Variants in TF observed in about 807,000 individuals in gnomAD.
TF encodes serotransferrin.
TF carries 55 observed loss-of-function variants against 82.4 expected under a neutral mutation model. The observed-to-expected ratio is 0.67, with a 90% CI of 0.54 to 0.84. The LOEUF is 0.84. TF is among the 40% of genes least tolerant of loss of function. The pLI is 0.00. For missense variants in TF, 737 were observed against 868.4 expected, an observed-to-expected ratio of 0.85 and a Z score of 1.90; for synonymous variants, 332 against 332.6, an observed-to-expected ratio of 1.00 and a Z score of 0.02.
the TF span, among the ~76,000 whole-genome samples, chr3:133,724,211 G>T: frequency 1.3e-5 from 2 of 152,304 alleles, no homozygotes; most frequent in East Asian, 3.9e-4. Flanking sequence ...TCTAGTTCTA[G>T]ATCCCTGAGG....
chr3:133,763,844 A>G (rs1934058131), intron 9 of TF, among the ~76,000 whole-genome samples: 1 of 152,188 alleles, frequency 6.6e-6, no homozygotes, highest in Non-Finnish European at 1.5e-5. Context: ...CCACTCATCC[A>G]TCTGCACGTG....
chr3:133,707,750 T>C, the TF span: 16 of 152,238 alleles, frequency 1.1e-4, no homozygotes, highest in Admixed American at 1.0e-3. Context: ...AATCTTATGA[T>C]TCTTTTCAGT....
the TF span, among the ~76,000 whole-genome samples, chr3:133,675,984 AT>A: frequency 6.6e-6 from 1 of 151,962 alleles, no homozygotes; most frequent in South Asian, 2.1e-4. Flanking sequence ...GAGAGAAGGG[AT>A]TTTTTCCCCC....
chr3:133,741,587 A>G (rs1933392157), upstream of TF, among the ~76,000 whole-genome samples: 2 of 152,202 alleles, frequency 1.3e-5, no homozygotes. Context: ...TATCAGACTG[A>G]GAAAGGTTTG....
At chr3:133,686,791 T>G in the TF span, among the ~76,000 whole-genome samples, 1 of 150,942 alleles carries the variant, frequency 6.6e-6, no homozygotes, top group Admixed American at 6.6e-5. Context: ...GTGTGGCAAT[T>G]CCTCAAGGAT....
At chr3:133,715,256 C>G in the TF span, among the ~76,000 whole-genome samples, 1 of 152,182 alleles carries the variant, frequency 6.6e-6, no homozygotes, top group Non-Finnish European at 1.5e-5. Flanking sequence ...TCTTCCCCCA[C>G]CTTTCATACC....
At chr3:133,694,080 C>G in the TF span, 7 of 152,868 alleles carry the variant, frequency 4.6e-5, no homozygotes, top group East Asian at 1.3e-3. Flanking sequence ...CCCCTGCACA[C>G]CCACTTCCTC....
chr3:133,674,672 G>C, the TF span, among the ~76,000 whole-genome samples: 2 of 152,156 alleles, frequency 1.3e-5, no homozygotes, highest in African/African-American at 2.4e-5. Flanking sequence ...GTCGAGGTGG[G>C]GGCCGGCGCT....
At chr3:133,763,946 C>G (rs1484511136) in intron 9 of TF, among the ~76,000 whole-genome samples, 1 of 152,220 alleles carries the variant, frequency 6.6e-6, no homozygotes, top group Non-Finnish European at 1.5e-5. Context: ...GGTCTTTGCT[C>G]TTGAACTAGG....
At chr3:133,748,665 C>A in intron 2 of TF, 81 bp downstream of exon 2, 1 of 1,537,574 alleles carries the variant, frequency 6.5e-7, no homozygotes, top group South Asian at 1.2e-5. Context: ...ATTCTTTACT[C>A]ACAGGTAGGA....
chr3:133,760,863 T>C (rs1933975701), intron 9 of TF: 1 of 152,904 alleles, frequency 6.5e-6, no homozygotes. Flanking sequence ...TAAAATTATA[T>C]GCTACTTTAG....
chr3:133,696,824 C>G, the TF span, among the ~76,000 whole-genome samples: 16 of 151,112 alleles, frequency 1.1e-4, no homozygotes, highest in African/African-American at 3.7e-4. Flanking sequence ...GAAAAAAACC[C>G]AAACTTTTTC....
At position 133,785,310 on chromosome 3, in the gene TF, C is replaced by T; in HGVS notation, c.*6690C>T. 1 of 112,194 alleles carries T rather than the reference C, an allele frequency of 8.9e-6. No individual in the cohort carries two copies. The highest frequency in any genetic ancestry group is 1.9e-5 in the Non-Finnish European group (1 of 53,234). 6.9% of individuals were successfully genotyped at this position (112,194 alleles called of 1,614,324 possible). A position where few individuals can be genotyped will look rare whatever the true frequency, so the allele number is the denominator to read the frequency against. On this transcript the variant is annotated 3_prime_UTR_variant, in exon 17 of 17. Coordinates refer to ENST00000402696, the MANE Select transcript of TF (RefSeq NM_001063.4). ...TCCGGGAGGGAGGTGGGGGGGTCGG[C>T]CCCCCGCCCGACCAGCCGCCCCATC...
chr3:133,750,458 T>TCCTGCTCTAC, intron 2 of TF, among the ~76,000 whole-genome samples: 1 of 151,758 alleles, frequency 6.6e-6, no homozygotes, highest in South Asian at 2.1e-4. Flanking sequence ...GCTGGGGTTT[T>TCCTGCTCTAC]CCGTGTCTTT....
chr3:133,672,184 T>C, the TF span, among the ~76,000 whole-genome samples: 4 of 152,214 alleles, frequency 2.6e-5, no homozygotes, highest in Non-Finnish European at 5.9e-5. Flanking sequence ...AAAATCTGGA[T>C]ATTTCTCTAG....
intron 2 of TF, among the ~76,000 whole-genome samples, chr3:133,749,517 G>C (rs1933603103): frequency 6.6e-6 from 1 of 152,162 alleles, no homozygotes; most frequent in African/African-American, 2.4e-5. Context: ...TACAATGGAG[G>C]GAAAAAGGAG....
chr3:133,776,803 G>T (rs1179914011), intron 15 of TF, among the ~76,000 whole-genome samples: 2 of 152,108 alleles, frequency 1.3e-5, no homozygotes, highest in African/African-American at 4.8e-5. Flanking sequence ...GTGTGGGTGG[G>T]AGGGACTTAT....
At chr3:133,692,257 G>A in the TF span, among the ~76,000 whole-genome samples, 1 of 152,218 alleles carries the variant, frequency 6.6e-6, no homozygotes, top group Non-Finnish European at 1.5e-5. Flanking sequence ...TAAGAATGAG[G>A]CTTTACCTCT....
chr3:133,720,089 AT>A, the TF span, among the ~76,000 whole-genome samples: 46 of 151,874 alleles, frequency 3.0e-4, 1 homozygote, highest in Non-Finnish European at 2.1e-4. Flanking sequence ...CCTTTTCCCT[AT>A]TTTTTCTCCT....
Sources: gnomAD v4.1 joint callset for allele counts (sites outside exome capture counted in the v4.1 genomes callset) on GRCh38, gnomAD v4.1.1 for gene constraint, MANE v1.5 for transcripts, NCBI Gene and HGNC (gene_info 2026-07-23, HGNC 2026-07-21) for gene names.